The following PCNX2 variants were observed in gnomAD, a reference collection of about 807,000 sequenced individuals.
PCNX2 encodes the protein pecanex 2.
Under a neutral mutation model 223.8 loss-of-function variants are expected in PCNX2, and 168 were observed. The observed-to-expected ratio is 0.75, with a 90% CI of 0.66 to 0.85. The LOEUF (loss-of-function observed/expected upper bound fraction) is 0.85, where lower values mean the gene tolerates loss of function less well. Among genes scored for constraint, PCNX2 ranks in the 40% least tolerant of loss-of-function variants. The pLI, the probability that PCNX2 is intolerant of heterozygous loss-of-function variation, is 0.00. For missense variants in PCNX2, 2,507 were observed against 2,675.5 expected (o/e 0.94, Z 1.39); for synonymous variants, 1,006 against 1,052.6 (o/e 0.96, Z 0.86).
intron 23 of PCNX2, chr1:233,057,914 G>A (rs1282206722): frequency 1.0e-6 from 1 of 985,174 alleles, no homozygotes; most frequent in South Asian, 4.7e-5. Context: ...CAGAACTTGA[G>A]AACAGTGTCC....
chr1:233,172,432 T>G lies in PCNX2; in HGVS notation c.3273+5370A>C. 3.0e-6 allele frequency: 3 copies of G among 985,464 alleles called. No homozygotes were observed. The South Asian group carries it at 1.4e-4, about 46-fold the overall frequency. 61.0% of individuals were successfully genotyped at this position (985,464 alleles called of 1,614,324 possible). A position where few individuals can be genotyped will look rare whatever the true frequency, so the allele number is the denominator to read the frequency against. ...TGTGCTGCAAATCCATGCAAACTTA[T>G]GACTTCTCAAGGATTCTCTTATTCT... On this transcript the variant is annotated intron_variant, in intron 17 of 33. Transcript: ENST00000258229.
chr1:233,327,072 C>T, the PCNX2 span, among the ~76,000 whole-genome samples: 1 of 152,158 alleles, frequency 6.6e-6, no homozygotes, highest in African/African-American at 2.4e-5. Context: ...TGGCCCAGGT[C>T]TGGCACCGCG....
At chr1:233,247,469 T>G (rs540331380) in intron 8 of PCNX2, among the ~76,000 whole-genome samples, 4 of 152,172 alleles carry the variant, frequency 2.6e-5, no homozygotes, top group Non-Finnish European at 5.9e-5. Flanking sequence ...CTCTTCTTGT[T>G]TTTTGGTGTT....
At position 232,983,514 on chromosome 1, in the gene PCNX2, C is replaced by T. The variant is rs1487722842; in HGVS notation, c.*790G>A. On this transcript the variant is annotated 3_prime_UTR_variant, in exon 34 of 34. Coordinates refer to ENST00000258229, the MANE Select transcript of PCNX2 (RefSeq NM_014801.4). ...AGTAAGGGTTGCGGGGCTTGGAGAACAAGCACGCGTCCCTGTGAAGCCCGC... is the reference window on the plus strand; with the variant it reads ...AGTAAGGGTTGCGGGGCTTGGAGAATAAGCACGCGTCCCTGTGAAGCCCGC... 1 of 152,256 alleles carries T rather than the reference C, an allele frequency of 6.6e-6. No individual in the cohort carries two copies. The highest frequency in any genetic ancestry group is 1.9e-4 in the East Asian group (1 of 5,204). The allele number at this position is 152,256 out of a possible 1,614,324, so 9.4% of individuals were successfully genotyped here. A position where few individuals can be genotyped will look rare whatever the true frequency, so the allele number is the denominator to read the frequency against.
intron 19 of PCNX2, among the ~76,000 whole-genome samples, chr1:233,152,250 G>C (rs148905965): frequency 5.3e-4 from 81 of 152,286 alleles, no homozygotes; most frequent in African/African-American, 1.8e-3. Context: ...TCACTTATTT[G>C]GCATTTGAAA....
intron 23 of PCNX2, among the ~76,000 whole-genome samples, chr1:233,067,705 T>C (rs534680749): frequency 6.6e-6 from 1 of 152,188 alleles, no homozygotes; most frequent in South Asian, 2.1e-4. Flanking sequence ...ACTCCTGAGC[T>C]CAAGTGATCC....
At chr1:233,158,187 G>A (rs1678243459) in intron 19 of PCNX2, among the ~76,000 whole-genome samples, 1 of 152,126 alleles carries the variant, frequency 6.6e-6, no homozygotes, top group Non-Finnish European at 1.5e-5. Flanking sequence ...AAAAAAACCA[G>A]AAACCGAGTT....
intron 26 of PCNX2, chr1:233,018,681 G>T: frequency 1.2e-6 from 1 of 831,762 alleles, no homozygotes; most frequent in Non-Finnish European, 1.4e-6. Context: ...AGCGTGCACC[G>T]CAGTTCCATT....
intron 26 of PCNX2, among the ~76,000 whole-genome samples, chr1:233,020,977 T>A (rs1670868927): frequency 6.6e-6 from 1 of 152,216 alleles, no homozygotes; most frequent in African/African-American, 2.4e-5. Context: ...CTTGAAACTT[T>A]AAGTCATTCA....
chr1:233,234,550 G>C (rs1572125249), intron 9 of PCNX2, among the ~76,000 whole-genome samples: 1 of 152,100 alleles, frequency 6.6e-6, no homozygotes, highest in East Asian at 1.9e-4. Flanking sequence ...AGGAATGGCA[G>C]GACTATTTCT....
intron 19 of PCNX2, among the ~76,000 whole-genome samples, chr1:233,146,630 A>G (rs1010970578): frequency 8.5e-5 from 13 of 152,370 alleles, no homozygotes; most frequent in African/African-American, 3.1e-4. Flanking sequence ...TCACCAATTC[A>G]GAGAGACATG....
At chr1:233,205,415 C>T (rs573009150) in intron 13 of PCNX2, among the ~76,000 whole-genome samples, 2 of 152,228 alleles carry the variant, frequency 1.3e-5, no homozygotes, top group Admixed American at 6.5e-5. Context: ...GACTTTTGGC[C>T]GGGCATGGTG....
intron 25 of PCNX2, among the ~76,000 whole-genome samples, chr1:233,047,175 G>A (rs1339584531): frequency 6.6e-6 from 1 of 152,184 alleles, no homozygotes; most frequent in East Asian, 1.9e-4. Context: ...AGCAGCAGCA[G>A]AACCACTGGC....
intron 23 of PCNX2, among the ~76,000 whole-genome samples, chr1:233,088,831 T>G (rs755894272): frequency 2.6e-5 from 4 of 152,198 alleles, no homozygotes; most frequent in African/African-American, 4.8e-5. Context: ...AGAATAATCA[T>G]CCTAGCTCAG....
chr1:233,086,113 T>C (rs892291815), intron 23 of PCNX2, among the ~76,000 whole-genome samples: 2 of 152,180 alleles, frequency 1.3e-5, no homozygotes, highest in African/African-American at 2.4e-5. Context: ...GCCATTTAAG[T>C]TGGGCTTTGC....
At chr1:233,114,708 C>A (rs1417131502) in intron 21 of PCNX2, among the ~76,000 whole-genome samples, 4 of 152,164 alleles carry the variant, frequency 2.6e-5, no homozygotes, top group African/African-American at 9.7e-5. Context: ...GCGACAGGCG[C>A]ATCCAGAAAG....
intron 9 of PCNX2, among the ~76,000 whole-genome samples, chr1:233,230,397 T>A (rs1157782221): frequency 6.6e-6 from 1 of 152,032 alleles, no homozygotes; most frequent in Non-Finnish European, 1.5e-5. Flanking sequence ...CTGTAAGTGA[T>A]CTAAATAATG....
At chr1:233,101,641 AAT>A (rs1674488483) in intron 21 of PCNX2, among the ~76,000 whole-genome samples, 1 of 152,218 alleles carries the variant, frequency 6.6e-6, no homozygotes, top group Admixed American at 6.5e-5. Context: ...AAAATAAATT[AAT>A]AGTTAACTCA....
chr1:233,290,600 G>T, intron 1 of PCNX2: 1 of 403,006 alleles, frequency 2.5e-6, no homozygotes, highest in Non-Finnish European at 3.4e-6. Context: ...GCTGCAGACT[G>T]TCATAGAAAT....
Sources: allele counts gnomAD v4.1 joint callset (sites outside exome capture counted in the v4.1 genomes callset), GRCh38; gene constraint gnomAD v4.1.1; transcripts MANE v1.5; gene names NCBI Gene and HGNC (gene_info 2026-07-23, HGNC 2026-07-21).